CFAP221: variants seen among roughly 807,000 people sequenced by gnomAD.
CFAP221 encodes cilia and flagella associated protein 221, also known as cilia- and flagella-associated protein 221.
Under a neutral mutation model 113.1 loss-of-function variants are expected in CFAP221, and 97 were observed. The ratio of observed to expected loss-of-function variants is 0.86; its 90% CI spans 0.73 to 1.02. The LOEUF is 1.02. CFAP221 is among the 50% of genes least tolerant of loss of function. The pLI, the probability that CFAP221 is intolerant of heterozygous loss-of-function variation, is 0.00. For missense variants in CFAP221, 1,025 were observed against 1,013.4 expected (o/e 1.01, Z -0.16); for synonymous variants, 331 against 354.4 (o/e 0.93, Z 0.74).
intron 1 of CFAP221, among the ~76,000 whole-genome samples, 190 bp from the exon 2 acceptor site, chr2:119,545,895 G>A (rs1460168411): frequency 1.3e-5 from 2 of 152,132 alleles, no homozygotes; most frequent in African/African-American, 4.8e-5. Context: ...ATGACATTGG[G>A]TTGCAATGGG....
In CFAP221 at chr2:119,611,653, C is replaced by G; in HGVS notation, c.1222C>G (p.Leu408Val). 1 of 1,609,590 alleles carries G rather than the reference C, an allele frequency of 6.2e-7. No homozygotes were observed. Among genetic ancestry groups the G allele is most frequent in the South Asian group, 1.1e-5 (1 of 90,150 alleles). ...ATTATTTTGATGATTAAAAACCCAG[C>G]TAGACAGAGGAGATCCTATTTTGGA... The part of the protein sequence containing the change: ...EWQKACAKYK[L>V]DRGDPILDEE... Residue 408 changes from leucine to valine, a missense_variant and splice_region_variant, in exon 13 of 24, where the codon CTA becomes GTA. By Grantham distance (32) the Leu-to-Val change is conservative (BLOSUM62 1). Coordinates refer to ENST00000413369, the MANE Select transcript of CFAP221 (RefSeq NM_001271049.2).
At chr2:119,613,618 G>A (rs1034093318) in intron 13 of CFAP221, among the ~76,000 whole-genome samples, 3 of 152,198 alleles carry the variant, frequency 2.0e-5, no homozygotes, top group African/African-American at 7.2e-5. Flanking sequence ...GGGACACAGG[G>A]CACTGAATCC....
intron 8 of CFAP221, 170 bp downstream of exon 8, chr2:119,601,547 C>A (rs1449924622): frequency 5.1e-6 from 3 of 589,946 alleles, no homozygotes; most frequent in East Asian, 3.1e-5. Context: ...TAGAATATAT[C>A]TATGCTAGTA....
chr2:119,656,360 A>G lies in CFAP221; in HGVS notation c.2415-2A>G, dbSNP rs199785116. ...TTCCTTCTTGGGTTTTTTGATACTC[A>G]GAGAAGTGAAAGATCAAGCACAACC... On this transcript the variant is annotated splice_acceptor_variant, in intron 23 of 23. Transcript: ENST00000413369. LOFTEE classifies it high-confidence loss of function. 37 of 1,613,436 alleles carry G rather than the reference A, an allele frequency of 2.3e-5. No individual in the cohort carries two copies. Among genetic ancestry groups the G allele is most frequent in the South Asian group, 3.3e-5 (3 of 91,066 alleles).
At position 119,549,023 on chromosome 2, in the gene CFAP221, C is replaced by G. The variant is rs1680242299; in HGVS notation, c.140-62C>G. On this transcript the variant is annotated intron_variant, in intron 2 of 23. Coordinates refer to ENST00000413369, the MANE Select transcript of CFAP221 (RefSeq NM_001271049.2). Reference sequence around the variant, plus strand: ...TAAAGAAAGCTATGTTAATAAGGATCAACTTTAATTTAATATTTTCTTTGA... The same window carrying G: ...TAAAGAAAGCTATGTTAATAAGGATGAACTTTAATTTAATATTTTCTTTGA... 3.6e-6 allele frequency: 4 copies of G among 1,122,810 alleles called. No homozygotes were observed. The African/African-American group carries it at 4.8e-5, about 14-fold the overall frequency. 69.6% of individuals were successfully genotyped at this position (1,122,810 alleles called of 1,614,324 possible).
At chr2:119,621,299 G>T (rs1685902542) in intron 14 of CFAP221, among the ~76,000 whole-genome samples, 1 of 150,322 alleles carries the variant, frequency 6.7e-6, no homozygotes, top group African/African-American at 2.4e-5. Context: ...GATCAAAAAA[G>T]ACAAAGAAGG....
At chr2:119,633,940 C>A (rs1055857594) in intron 19 of CFAP221, among the ~76,000 whole-genome samples, 2 of 152,210 alleles carry the variant, frequency 1.3e-5, no homozygotes, top group Admixed American at 6.5e-5. Context: ...AAATACAGAA[C>A]TGCCATATGA....
intron 22 of CFAP221, among the ~76,000 whole-genome samples, chr2:119,648,954 G>A (rs182445521): frequency 2.0e-5 from 3 of 152,344 alleles, no homozygotes; most frequent in Non-Finnish European, 2.9e-5. Flanking sequence ...GTGCCTGCCT[G>A]ATCATTCTGC....
chr2:119,555,475 A>G (rs1222542693), intron 3 of CFAP221, among the ~76,000 whole-genome samples: 1 of 152,206 alleles, frequency 6.6e-6, no homozygotes, highest in Non-Finnish European at 1.5e-5. Flanking sequence ...TAAGCACTTT[A>G]TTCATTTTCC....
intron 6 of CFAP221, among the ~76,000 whole-genome samples, chr2:119,570,795 G>A (rs180719419): frequency 1.1e-3 from 175 of 152,194 alleles, no homozygotes; most frequent in Non-Finnish European, 1.6e-3. Context: ...ATAAACATAT[G>A]GGTTGTTTCT....
chr2:119,620,960 C>T (rs1473609741), intron 14 of CFAP221, among the ~76,000 whole-genome samples: 1 of 150,836 alleles, frequency 6.6e-6, no homozygotes, highest in Non-Finnish European at 1.5e-5. Flanking sequence ...CATGGTGGCT[C>T]ATGCCTGTAA....
At chr2:119,623,238 A>G (rs1000583132) in intron 14 of CFAP221, among the ~76,000 whole-genome samples, 3 of 152,132 alleles carry the variant, frequency 2.0e-5, no homozygotes, top group African/African-American at 7.2e-5. Context: ...AAACAGAGAA[A>G]CAAATCATGA....
chr2:119,605,140 A>G (rs920818332), intron 10 of CFAP221, 41 bp from the exon 11 acceptor site: 2 of 1,549,542 alleles, frequency 1.3e-6, no homozygotes, highest in South Asian at 1.1e-5. Flanking sequence ...CATGATTTTA[A>G]TCTGATTACT....
At chr2:119,623,835 AC>A (rs1686106545) in intron 14 of CFAP221, among the ~76,000 whole-genome samples, 2 of 152,148 alleles carry the variant, frequency 1.3e-5, no homozygotes, top group South Asian at 4.1e-4. Context: ...CTGAAACTGG[AC>A]CCCTTCCTTA....
chr2:119,586,135 A>G (rs1160023255), intron 6 of CFAP221, among the ~76,000 whole-genome samples: 4 of 152,116 alleles, frequency 2.6e-5, no homozygotes, highest in Non-Finnish European at 4.4e-5. Flanking sequence ...TATGGGGTAG[A>G]GAAGAGATGT....
At chr2:119,577,751 G>T (rs1272300256) in intron 6 of CFAP221, among the ~76,000 whole-genome samples, 1 of 152,158 alleles carries the variant, frequency 6.6e-6, no homozygotes, top group Non-Finnish European at 1.5e-5. Flanking sequence ...CCAAAACAAA[G>T]ACTTTAAGAT....
chr2:119,550,149 G>C (rs1680318600), intron 3 of CFAP221, among the ~76,000 whole-genome samples: 1 of 152,144 alleles, frequency 6.6e-6, no homozygotes. Context: ...CTGAGACTCT[G>C]CCTTTGTGTG....
chr2:119,608,768 C>T (rs1418514535), intron 12 of CFAP221, among the ~76,000 whole-genome samples, 179 bp downstream of exon 12: 1 of 152,168 alleles, frequency 6.6e-6, no homozygotes, highest in African/African-American at 2.4e-5. Context: ...GAGACCTATA[C>T]TAAGTTTTGT....
chr2:119,627,624 C>A (rs773214348), intron 15 of CFAP221, 29 bp from the exon 16 acceptor site: 4 of 1,609,464 alleles, frequency 2.5e-6, no homozygotes, highest in Middle Eastern at 1.7e-4. Context: ...TTTAGTACCC[C>A]CTAAAAGTGC....
Sources: allele counts gnomAD v4.1 joint callset (sites outside exome capture counted in the v4.1 genomes callset), GRCh38; gene constraint gnomAD v4.1.1; transcripts MANE v1.5; gene names NCBI Gene and HGNC (gene_info 2026-07-23, HGNC 2026-07-21).